ZNF580: variants seen among roughly 807,000 people sequenced by gnomAD.
The protein encoded by ZNF580 is zinc finger protein 580, also known as LDL-induced EC protein.
ZNF580 carries 1 observed loss-of-function variant against 1.3 expected under a neutral mutation model. That is an observed-to-expected ratio of 0.77 (90% confidence interval 0.27 to 3.65). The LOEUF is 3.65. ZNF580 is among the 30% of genes most tolerant of loss of function. The probability of loss-of-function intolerance (pLI) is 0.19; values close to 1 mark genes in which losing one functional copy is unlikely to be tolerated. For missense variants in ZNF580, 268 were observed against 272.3 expected (o/e 0.98, Z 0.11); for synonymous variants, 135 against 128.8 (o/e 1.05, Z -0.32).
Position 55,642,261 on chromosome 19 carries a change from A to G in ZNF580, c.-12-236A>G, listed in dbSNP as rs975921263. The G allele has an allele frequency of 3.0e-5, 37 of 1,236,538 alleles. No individual in the cohort carries two copies. In the African/African-American group the frequency reaches 4.8e-4, roughly 16 times the overall value. 76.6% of individuals were successfully genotyped at this position (1,236,538 alleles called of 1,614,324 possible). A position where few individuals can be genotyped will look rare whatever the true frequency, so the allele number is the denominator to read the frequency against. The stretch of plus-strand genomic sequence containing the variant: ...GACCTGAGTGGTGAGAGGTGGACCC[A>G]GGAGGAGTGGCAGGTGGTGGCGGGG... On this transcript the variant is annotated intron_variant, in intron 1 of 1. Transcript: ENST00000325333.
chr19:55,641,277 G>GT, intron 1 of ZNF580, 94 bp downstream of exon 1: 1 of 802,120 alleles, frequency 1.2e-6, no homozygotes, highest in Non-Finnish European at 1.5e-6. Flanking sequence ...CCGGGATGGG[G>GT]GTGGGGGTCG....
chr19:55,643,156 C>G lies in ZNF580; in HGVS notation c.*129C>G. 1 of 1,105,408 alleles carries G rather than the reference C, an allele frequency of 9.0e-7. No individual in the cohort carries two copies. The highest frequency in any genetic ancestry group is 1.1e-6 in the Non-Finnish European group (1 of 913,686). The allele number at this position is 1,105,408 out of a possible 1,614,324, so 68.5% of individuals were successfully genotyped here. A position where few individuals can be genotyped will look rare whatever the true frequency, so the allele number is the denominator to read the frequency against. ...ACTGCCTTACCCTGGGCCTCAGTTTCCCCACCTTCCAAAGGGAGGAGCATC... is the reference window on the plus strand; with the variant it reads ...ACTGCCTTACCCTGGGCCTCAGTTTGCCCACCTTCCAAAGGGAGGAGCATC... On this transcript the variant is annotated 3_prime_UTR_variant, in exon 2 of 2. Transcript: ENST00000325333.
intron 1 of ZNF580, chr19:55,641,925 A>T: frequency 2.3e-6 from 1 of 443,476 alleles, no homozygotes; most frequent in Non-Finnish European, 3.0e-6. Context: ...GGAGGTACCT[A>T]GAGAGGAAGT....
At chr19:55,641,945 C>A in intron 1 of ZNF580, 1 of 703,570 alleles carries the variant, frequency 1.4e-6, no homozygotes, top group Non-Finnish European at 1.7e-6. Context: ...TGAGGGAGGC[C>A]ACGGAATATG....
Position 55,642,555 on chromosome 19 carries a change from C to A in ZNF580, c.47C>A (p.Pro16Gln). Residue 16 changes from proline to glutamine, a missense_variant, in exon 2 of 2, where the codon CCG (proline) becomes CAG (glutamine). By Grantham distance (76) the Pro-to-Gln change is moderately conservative (BLOSUM62 -1). Coordinates refer to ENST00000325333, the MANE Select transcript of ZNF580 (RefSeq NM_207115.2). Reference sequence around the variant, plus strand: ...CCACCCCACCCTCGGTCCTCCTCTCCGGAGGCCATGGACCCACCGCCCCCC... The same window carrying A: ...CCACCCCACCCTCGGTCCTCCTCTCAGGAGGCCATGGACCCACCGCCCCCC... ...PRPPHPRSSS[P>Q]EAMDPPPPKA... is the part of the protein sequence containing the mutation. The A allele has an allele frequency of 6.9e-7, 1 of 1,458,226 alleles. No individual in the cohort carries two copies. The highest frequency in any genetic ancestry group is 9.0e-7 in the Non-Finnish European group (1 of 1,109,070). The allele number at this position is 1,458,226 out of a possible 1,614,324, so 90.3% of individuals were successfully genotyped here.
In ZNF580 at chr19:55,642,864, C is replaced by T. The variant is rs746617513; in HGVS notation, c.356C>T (p.Pro119Leu). Residue 119 changes from proline (P) to leucine (L), a missense_variant, in exon 2 of 2, where the codon CCC (proline) becomes CTC (leucine). Around this residue, in one of 2 missense-constraint regions of ZNF580, gnomAD observed 225 missense variants for 201.7 expected, o/e 1.12. Transcript: ENST00000325333. Reference sequence around the variant, plus strand: ...CGCGTGTCGCACTCGGACCTCAAGCCCTTCACGTGCGGCGCCTGCGGCAAG... The same window carrying T: ...CGCGTGTCGCACTCGGACCTCAAGCTCTTCACGTGCGGCGCCTGCGGCAAG... ...SHRVSHSDLK[P>L]FTCGACGKAF... 6.4e-7 allele frequency: 1 copy of T among 1,569,348 alleles called. No individual in the cohort carries two copies. Among genetic ancestry groups the T allele is most frequent in the South Asian group, 1.2e-5 (1 of 86,178 alleles).
chr19:55,642,714 T>C lies in ZNF580; in HGVS notation c.206T>C (p.Leu69Pro). 6.7e-7 allele frequency: 1 copy of C among 1,503,220 alleles called. No homozygotes were observed. The highest frequency in any genetic ancestry group is 2.6e-5 in the East Asian group (1 of 37,972). The allele number at this position is 1,503,220 out of a possible 1,614,324, so 93.1% of individuals were successfully genotyped here. A position where few individuals can be genotyped will look rare whatever the true frequency, so the allele number is the denominator to read the frequency against. Residue 69 changes from leucine to proline, a missense_variant, in exon 2 of 2, where the codon CTG becomes CCG. By Grantham distance (98) the Leu-to-Pro change is moderately conservative. Around this residue, in one of 2 missense-constraint regions of ZNF580, gnomAD observed 225 missense variants for 201.7 expected, o/e 1.12. Coordinates refer to ENST00000325333, the MANE Select transcript of ZNF580 (RefSeq NM_207115.2). Reference sequence around the variant, plus strand: ...GTCCCCTACACATACACGGTGCAGCTGGAGGAGGAGCCCCGGGGCCCGCCC... The same window carrying C: ...GTCCCCTACACATACACGGTGCAGCCGGAGGAGGAGCCCCGGGGCCCGCCC... ...NGVPYTYTVQ[L>P]EEEPRGPPQR... is the part of the protein sequence containing the mutation.
chr19:55,642,698 A>G lies in ZNF580; in HGVS notation c.190A>G (p.Thr64Ala). Residue 64 changes from threonine (T) to alanine (A), a missense_variant, in exon 2 of 2, where the codon ACA becomes GCA. This residue lies in a region of ZNF580 where 225 missense variants were observed against 201.7 expected (regional missense o/e 1.12). Coordinates refer to ENST00000325333, the MANE Select transcript of ZNF580 (RefSeq NM_207115.2). ...LLIDANGVPY[T>A]YTVQLEEEPR... is the part of the protein sequence containing the mutation. Reference sequence around the variant, plus strand: ...CATCGACGCCAATGGGGTCCCCTACACATACACGGTGCAGCTGGAGGAGGA... The same window carrying G: ...CATCGACGCCAATGGGGTCCCCTACGCATACACGGTGCAGCTGGAGGAGGA... The G allele has an allele frequency of 2.0e-6, 3 of 1,485,084 alleles. No individual in the cohort carries two copies. Among genetic ancestry groups the G allele is most frequent in the Non-Finnish European group, 2.7e-6 (3 of 1,117,444 alleles). The allele number at this position is 1,485,084 out of a possible 1,614,324, so 92.0% of individuals were successfully genotyped here.
At position 55,643,310 on chromosome 19, in the gene ZNF580, C is replaced by T. The variant is rs1078201; in HGVS notation, c.*283C>T. The T allele has an allele frequency of 6.2e-3, 2,483 of 400,276 alleles. 58 individuals carry two copies. The highest frequency in any genetic ancestry group is 0.047 in the African/African-American group (2,262 of 48,166). The allele number at this position is 400,276 out of a possible 1,614,324, so 24.8% of individuals were successfully genotyped here. A position where few individuals can be genotyped will look rare whatever the true frequency, so the allele number is the denominator to read the frequency against. On this transcript the variant is annotated 3_prime_UTR_variant, in exon 2 of 2. Transcript: ENST00000325333. ...GTGTGAGCCTGTGCAAGTGACATGACCTCTCTAAACCTTGGTTTTCTGCTC... is the reference window on the plus strand; with the variant it reads ...GTGTGAGCCTGTGCAAGTGACATGATCTCTCTAAACCTTGGTTTTCTGCTC...
At position 55,642,691 on chromosome 19, in the gene ZNF580, C is replaced by T. The variant is rs1211769686; in HGVS notation, c.183C>T (p.Val61=). Residue 61 remains valine (V), a synonymous_variant, in exon 2 of 2, where the codon GTC becomes GTT. Coordinates refer to ENST00000325333, the MANE Select transcript of ZNF580 (RefSeq NM_207115.2). ...GRHLLIDANG[V]PYTYTVQLEE... ...ACCTCCTCATCGACGCCAATGGGGTCCCCTACACATACACGGTGCAGCTGG... is the reference window on the plus strand; with the variant it reads ...ACCTCCTCATCGACGCCAATGGGGTTCCCTACACATACACGGTGCAGCTGG... The T allele has an allele frequency of 6.8e-7, 1 of 1,472,236 alleles. No homozygotes were observed. The highest frequency in any genetic ancestry group is 9.0e-7 in the Non-Finnish European group (1 of 1,111,320). The allele number at this position is 1,472,236 out of a possible 1,614,324, so 91.2% of individuals were successfully genotyped here.
chr19:55,642,939 C>G lies in ZNF580; in HGVS notation c.431C>G (p.Ala144Gly). ...HLSRHRATHRARAGPPHTCPL... is the reference protein window; with the variant it reads ...HLSRHRATHRGRAGPPHTCPL... Reference sequence around the variant, plus strand: ...TCGCGGCATCGCGCCACGCACCGCGCCCGCGCCGGGCCGCCGCACACCTGC... The same window carrying G: ...TCGCGGCATCGCGCCACGCACCGCGGCCGCGCCGGGCCGCCGCACACCTGC... The change falls in exon 2 of 2, where the codon GCC becomes GGC. Residue 144 changes from alanine (A) to glycine (G), a missense_variant. Physicochemically the swap from Ala to Gly is moderately conservative, Grantham distance 60. Around this residue, in one of 2 missense-constraint regions of ZNF580, gnomAD observed 43 missense variants for 70.5 expected, o/e 0.61. Coordinates refer to ENST00000325333, the MANE Select transcript of ZNF580 (RefSeq NM_207115.2). 1 of 1,450,398 alleles carries G rather than the reference C, an allele frequency of 6.9e-7. No individual in the cohort carries two copies. Among genetic ancestry groups the G allele is most frequent in the Non-Finnish European group, 9.1e-7 (1 of 1,104,586 alleles). 89.8% of individuals were successfully genotyped at this position (1,450,398 alleles called of 1,614,324 possible). A position where few individuals can be genotyped will look rare whatever the true frequency, so the allele number is the denominator to read the frequency against.
rs1982590413 is a variant in ZNF580 at position 55,642,645 on chromosome 19, G to C, written c.137G>C (p.Arg46Pro). The change falls in exon 2 of 2, where the codon CGA becomes CCA. Residue 46 changes from arginine (R) to proline (P), a missense_variant. Coordinates refer to ENST00000325333, the MANE Select transcript of ZNF580 (RefSeq NM_207115.2). ...ACTCCTTCCTCGGCGGCGGGGCCCCGACCCCCGCGGCTGGGCCGCCACCTC... is the reference window on the plus strand; with the variant it reads ...ACTCCTTCCTCGGCGGCGGGGCCCCCACCCCCGCGGCTGGGCCGCCACCTC... The part of the protein sequence containing the change: ...SSTPSSAAGP[R>P]PPRLGRHLLI... 1 of 1,421,340 alleles carries C rather than the reference G, an allele frequency of 7.0e-7. No homozygotes were observed. The highest frequency in any genetic ancestry group is 1.5e-5 in the African/African-American group (1 of 66,392). The allele number at this position is 1,421,340 out of a possible 1,614,324, so 88.0% of individuals were successfully genotyped here.
In ZNF580 at chr19:55,641,565, G is replaced by T. The variant is rs1204820563; in HGVS notation, c.-13+382G>T. On this transcript the variant is annotated intron_variant, in intron 1 of 1. Coordinates refer to ENST00000325333, the MANE Select transcript of ZNF580 (RefSeq NM_207115.2). ...AGATGCCAGACGTACACAGAAAGGA[G>T]GGGAAAGTGGGCTTGGGAGAGGTGC... is the stretch of plus-strand genomic sequence containing the variant. 2.6e-5 allele frequency among the ~76,000 whole-genome samples: 4 copies of T among 152,174 alleles called. No homozygotes were observed. In the East Asian group the frequency reaches 7.7e-4, roughly 29 times the overall value.
In ZNF580 at chr19:55,642,603, C is replaced by G. The variant is rs771676137; in HGVS notation, c.95C>G (p.Ala32Gly). The G allele has an allele frequency of 7.6e-6, 11 of 1,451,246 alleles. No homozygotes were observed. The highest frequency in any genetic ancestry group is 1.0e-5 in the Non-Finnish European group (11 of 1,102,210). The allele number at this position is 1,451,246 out of a possible 1,614,324, so 89.9% of individuals were successfully genotyped here. A position where few individuals can be genotyped will look rare whatever the true frequency, so the allele number is the denominator to read the frequency against. Residue 32 changes from alanine to glycine, a missense_variant, in exon 2 of 2, where the codon GCG becomes GGG. By Grantham distance (60) the Ala-to-Gly change is moderately conservative. This residue lies in a region of ZNF580 where 225 missense variants were observed against 201.7 expected (regional missense o/e 1.12). Coordinates refer to ENST00000325333, the MANE Select transcript of ZNF580 (RefSeq NM_207115.2). The stretch of plus-strand genomic sequence containing the variant: ...CCCAAGGCTCCCCCTTTCCCCAAGG[C>G]GGAAGGCCCCTCCTCCACTCCTTCC... ...PPPKAPPFPK[A>G]EGPSSTPSSA...
At position 55,642,786 on chromosome 19, in the gene ZNF580, G is replaced by A; in HGVS notation, c.278G>A (p.Ser93Asn). The change falls in exon 2 of 2, where the codon AGC becomes AAC. Residue 93 changes from serine (S) to asparagine (N), a missense_variant. Ser to Asn is a conservative substitution (Grantham distance 46). Transcript: ENST00000325333. ...PGEPGPRKGY[S>N]CPECARVFAS... The stretch of plus-strand genomic sequence containing the variant: ...GAGCCCGGCCCTCGCAAGGGCTACA[G>A]CTGCCCGGAGTGCGCCCGTGTCTTT... 4.5e-6 allele frequency: 7 copies of A among 1,557,710 alleles called. No homozygotes were observed. Among genetic ancestry groups the A allele is most frequent in the Non-Finnish European group, 6.0e-6 (7 of 1,158,922 alleles).
rs1568536140 is a variant in ZNF580 at position 55,641,034 on chromosome 19, A to T, written c.-162A>T. ...CCCAGGGACTCCGCCAACCCCTCGC[A>T]CCCCCGCGCCCCCAGTCCCCGCGTC... On this transcript the variant is annotated 5_prime_UTR_variant, in exon 1 of 2. Transcript: ENST00000325333. 1.8e-5 allele frequency: 18 copies of T among 983,966 alleles called. No individual in the cohort carries two copies. Among genetic ancestry groups the T allele is most frequent in the African/African-American group, 5.3e-5 (3 of 56,686 alleles). The allele number at this position is 983,966 out of a possible 1,614,324, so 61.0% of individuals were successfully genotyped here.
In ZNF580 at chr19:55,642,980, C is replaced by A. The variant is rs1430678291; in HGVS notation, c.472C>A (p.Arg158Ser). The change falls in exon 2 of 2, where the codon CGC becomes AGC. Residue 158 changes from arginine (R) to serine (S), a missense_variant. Physicochemically the swap from Arg to Ser is moderately radical, Grantham distance 110. Transcript: ENST00000325333. ...GCACACCTGCCCGCTCTGCCCACGC[C>A]GCTTCCAGGACGCCGCGGAGCTGGC... Reference protein sequence around the residue: ...PPHTCPLCPRRFQDAAELAQH... With the variant: ...PPHTCPLCPRSFQDAAELAQH... 7.3e-7 allele frequency: 1 copy of A among 1,378,612 alleles called. No homozygotes were observed. Among genetic ancestry groups the A allele is most frequent in the Non-Finnish European group, 9.4e-7 (1 of 1,067,918 alleles). The allele number at this position is 1,378,612 out of a possible 1,614,324, so 85.4% of individuals were successfully genotyped here.
intron 1 of ZNF580, chr19:55,642,047 G>T: frequency 1.0e-6 from 1 of 986,204 alleles, no homozygotes; most frequent in Non-Finnish European, 1.2e-6. Context: ...GCAAAGGGAG[G>T]GGAAGTAAAC....
rs765614075 is a variant in ZNF580 at position 55,642,478 on chromosome 19, TC to T, written c.-12-15del. The T allele has an allele frequency of 7.1e-7, 1 of 1,408,280 alleles. No individual in the cohort carries two copies. The highest frequency in any genetic ancestry group is 9.2e-7 in the Non-Finnish European group (1 of 1,081,618). 87.2% of individuals were successfully genotyped at this position (1,408,280 alleles called of 1,614,324 possible). On this transcript the variant is annotated intron_variant, in intron 1 of 1. Transcript: ENST00000325333. Reference sequence around the variant, plus strand: ...AAGGAAGTGGCAATTTTAACTAATCTCCCCTCCGCCGCTCCCAGCTGCCGCT... The same window carrying T: ...AAGGAAGTGGCAATTTTAACTAATCTCCCTCCGCCGCTCCCAGCTGCCGCT...
Sources: allele counts gnomAD v4.1 joint callset (sites outside exome capture counted in the v4.1 genomes callset), GRCh38; gene constraint gnomAD v4.1.1; regional missense constraint gnomAD v4.1.1; transcripts MANE v1.5; gene names NCBI Gene and HGNC (gene_info 2026-07-23, HGNC 2026-07-21).